Variants in CLASP1 observed in about 807,000 individuals in gnomAD.
CLASP1 encodes CLIP-associating protein 1.
Under a neutral mutation model 192.3 loss-of-function variants are expected in CLASP1, and 38 were observed. The ratio of observed to expected loss-of-function variants is 0.20; its 90% CI spans 0.15 to 0.26. CLASP1 has a LOEUF of 0.26. Among genes scored for constraint, CLASP1 ranks in the 10% least tolerant of loss-of-function variants. The pLI is 1.00. For synonymous variants in CLASP1, 691 were observed against 712.8 expected (o/e 0.97, Z 0.49); for missense variants, 1,433 against 1,932.5 (o/e 0.74, Z 4.85).
intron 23 of CLASP1, among the ~76,000 whole-genome samples, chr2:121,416,665 A>G (rs927997222): frequency 6.6e-6 from 1 of 152,190 alleles, no homozygotes; most frequent in African/African-American, 2.4e-5. Context: ...CCCCGACCCC[A>G]AGAAGCCTCA....
At chr2:121,458,875 T>C in exon 13 of CLASP1, 1 of 1,612,062 alleles carries the variant, frequency 6.2e-7, no homozygotes, top group Non-Finnish European at 8.5e-7. Context: ...ACACCAGATG[T>C]GGCCATAATT....
intron 2 of CLASP1, among the ~76,000 whole-genome samples, chr2:121,601,522 G>A (rs571905529): frequency 7.2e-5 from 11 of 152,120 alleles, no homozygotes; most frequent in African/African-American, 2.4e-4. Flanking sequence ...CGCCTGCCTC[G>A]GCCTCCCAAA....
At chr2:121,369,893 T>C (rs1258141417) in intron 34 of CLASP1, among the ~76,000 whole-genome samples, 1 of 152,216 alleles carries the variant, frequency 6.6e-6, no homozygotes, top group Admixed American at 6.5e-5. Context: ...GGGTAAAGAA[T>C]ATGCAAATCA....
chr2:121,588,240 A>G (rs2061959142), intron 2 of CLASP1, among the ~76,000 whole-genome samples: 1 of 151,896 alleles, frequency 6.6e-6, no homozygotes, highest in Admixed American at 6.6e-5. Flanking sequence ...ATAACATAAT[A>G]CCCAGTGATG....
At chr2:121,536,589 C>A (rs2095088016) in intron 2 of CLASP1, among the ~76,000 whole-genome samples, 1 of 152,042 alleles carries the variant, frequency 6.6e-6, no homozygotes, top group Non-Finnish European at 1.5e-5. Context: ...AAAATGGAGT[C>A]TCCTGGTCTA....
At chr2:121,614,883 T>C (rs2066203197) in intron 1 of CLASP1, among the ~76,000 whole-genome samples, 1 of 152,194 alleles carries the variant, frequency 6.6e-6, no homozygotes, top group South Asian at 2.1e-4. Flanking sequence ...ACTAGTAGAT[T>C]TAACAAGTAA....
intron 7 of CLASP1, chr2:121,505,244 A>C (rs2093907569): frequency 6.6e-6 from 1 of 152,092 alleles, no homozygotes; most frequent in Non-Finnish European, 1.5e-5. Context: ...GAGAGTATTC[A>C]CCATTCTAAA....
chr2:121,473,911 C>G (rs1051500115), intron 8 of CLASP1, among the ~76,000 whole-genome samples: 4 of 152,142 alleles, frequency 2.6e-5, no homozygotes, highest in Non-Finnish European at 5.9e-5. Flanking sequence ...AAATTGTCAT[C>G]AGCAGACCCG....
chr2:121,404,994 T>C (rs78904444), intron 25 of CLASP1, among the ~76,000 whole-genome samples: 87 of 152,324 alleles, frequency 5.7e-4, no homozygotes, highest in Non-Finnish European at 9.6e-4. Flanking sequence ...ATCTGGATTT[T>C]AATCTCAGTT....
At chr2:121,397,379 G>A in intron 29 of CLASP1, 96 bp from the exon 31 acceptor site, 2 of 1,021,782 alleles carry the variant, frequency 2.0e-6, no homozygotes, top group Non-Finnish European at 2.9e-6. Flanking sequence ...CCCTGGTGAG[G>A]GGGATCTCCT....
chr2:121,457,554 A>G, intron 14 of CLASP1, 133 bp downstream of exon 14: 1 of 665,446 alleles, frequency 1.5e-6, no homozygotes. Flanking sequence ...CTTCAACTCA[A>G]AGTCATTTAC....
intron 7 of CLASP1, among the ~76,000 whole-genome samples, chr2:121,507,866 G>A (rs991682010): frequency 1.3e-5 from 2 of 151,806 alleles, no homozygotes; most frequent in African/African-American, 4.8e-5. Flanking sequence ...GAGCAGGGTG[G>A]GAATAGATAA....
intron 2 of CLASP1, among the ~76,000 whole-genome samples, chr2:121,581,191 C>A (rs1005254771): frequency 6.6e-5 from 10 of 151,052 alleles, no homozygotes; most frequent in African/African-American, 2.2e-4. Context: ...CTCTGCAGAG[C>A]AAAGGATCCC....
At position 121,545,220 on chromosome 2, in the gene CLASP1, C is replaced by T. The variant is rs548189645; in HGVS notation, c.196-14895G>A. Among the ~76,000 whole-genome samples, 7 of 152,128 alleles carry T rather than the reference C, an allele frequency of 4.6e-5. No homozygotes were observed. The South Asian group carries it at 1.5e-3, about 32-fold the overall frequency. ...TTAGCCACTGCACCCGGCCTGGGTA[C>T]CTAATTAAAATCAGCACAGCAAGGG... is the stretch of plus-strand genomic sequence containing the variant. On this transcript the variant is annotated intron_variant, in intron 2 of 39. Coordinates refer to ENST00000263710, the Ensembl canonical transcript of CLASP1.
chr2:121,359,944 C>G (rs1558865013), intron 37 of CLASP1, among the ~76,000 whole-genome samples: 1 of 152,232 alleles, frequency 6.6e-6, no homozygotes, highest in African/African-American at 2.4e-5. Flanking sequence ...TTGAAAGAAA[C>G]TGACAAAGCA....
intron 34 of CLASP1, among the ~76,000 whole-genome samples, chr2:121,371,924 C>T (rs1292867022): frequency 1.3e-5 from 2 of 152,220 alleles, no homozygotes; most frequent in African/African-American, 4.8e-5. Context: ...TCTTCACCCA[C>T]TGTGATCTGG....
At chr2:121,628,575 C>A (rs1317694988) in intron 1 of CLASP1, among the ~76,000 whole-genome samples, 1 of 151,326 alleles carries the variant, frequency 6.6e-6, no homozygotes, top group Non-Finnish European at 1.5e-5. Context: ...ACTCCTGATG[C>A]TGAGGCACAA....
At chr2:121,555,369 CA>C (rs1423777542) in intron 2 of CLASP1, among the ~76,000 whole-genome samples, 1 of 152,182 alleles carries the variant, frequency 6.6e-6, no homozygotes, top group African/African-American at 2.4e-5. Context: ...ACTGTTCTAG[CA>C]GTCAGGCTCA....
chr2:121,377,735 A>C (rs1009807991), intron 33 of CLASP1, 86 bp from the exon 35 acceptor site: 2 of 916,374 alleles, frequency 2.2e-6, no homozygotes, highest in South Asian at 2.1e-5. Flanking sequence ...CACAATTTAA[A>C]GAATAAGACA....
Sources: gnomAD v4.1 joint callset for allele counts (sites outside exome capture counted in the v4.1 genomes callset) on GRCh38, gnomAD v4.1.1 for gene constraint, MANE v1.5 for transcripts, NCBI Gene and HGNC (gene_info 2026-07-23, HGNC 2026-07-21) for gene names.